The following OSBPL10 variants were observed in gnomAD, a reference collection of about 807,000 sequenced individuals.
OSBPL10 encodes oxysterol-binding protein-related protein 10.
In OSBPL10, 49 loss-of-function variants were observed where a neutral mutation model predicts 81.7. The ratio of observed to expected loss-of-function variants is 0.60; its 90% CI spans 0.48 to 0.76. OSBPL10 has a LOEUF of 0.76. Among genes scored for constraint, OSBPL10 ranks in the 30% least tolerant of loss-of-function variants. The pLI is 0.00. For synonymous variants in OSBPL10, 419 were observed against 383.6 expected (o/e 1.09, Z -1.08); for missense variants, 923 against 987.8 (o/e 0.93, Z 0.88).
chr3:31,874,771 C>A (rs550892591), intron 3 of OSBPL10, among the ~76,000 whole-genome samples: 2 of 152,046 alleles, frequency 1.3e-5, no homozygotes, highest in Non-Finnish European at 2.9e-5. Context: ...ATAACGGCAA[C>A]CGTTGTAGAA....
At chr3:31,729,575 C>T (rs1696903522) in intron 6 of OSBPL10, among the ~76,000 whole-genome samples, 1 of 152,146 alleles carries the variant, frequency 6.6e-6, no homozygotes, top group African/African-American at 2.4e-5. Flanking sequence ...CGCACGCCAC[C>T]ACGCCCAGCT....
chr3:31,849,280 C>T (rs1039921409), intron 3 of OSBPL10, among the ~76,000 whole-genome samples: 1 of 150,876 alleles, frequency 6.6e-6, no homozygotes, highest in African/African-American at 2.4e-5. Context: ...AGTTTTAAGG[C>T]ATTAAGTTTT....
intron 10 of OSBPL10, 128 bp downstream of exon 10, chr3:31,668,514 A>G: frequency 2.5e-6 from 2 of 814,762 alleles, no homozygotes; most frequent in South Asian, 3.1e-5. Context: ...ATATCTAAAG[A>G]AGCCAGTAGA....
At chr3:31,763,357 C>T (rs371952213) in intron 4 of OSBPL10, among the ~76,000 whole-genome samples, 13 of 152,166 alleles carry the variant, frequency 8.5e-5, no homozygotes, top group African/African-American at 2.9e-4. Context: ...TCTGGCAGAA[C>T]GTAACCTTAC....
intron 4 of OSBPL10, chr3:31,795,995 G>T: frequency 4.8e-6 from 1 of 208,460 alleles, no homozygotes. Flanking sequence ...GTTCATACAA[G>T]AATTCACACT....
rs386396290 is a variant in OSBPL10, at chr3:31,905,345, A to ATTTT, written c.282-25519_282-25516dup. Among the ~76,000 whole-genome samples the ATTTT allele has an allele frequency of 5.3e-3, 506 of 94,802 alleles. 37 individuals carry two copies. The highest frequency in any genetic ancestry group is 0.013 in the African/African-American group (268 of 21,284). 62.2% of individuals were successfully genotyped at this position (94,802 alleles called of 152,430 possible). On this transcript the variant is annotated intron_variant, in intron 1 of 11. Coordinates refer to ENST00000396556, the MANE Select transcript of OSBPL10 (RefSeq NM_017784.5). ...GAGCTCTATGTCAAGGAACCTGGTG[A>ATTTT]TTTTTTTTTTTTTTTTTTTTTTTAG... is the stretch of plus-strand genomic sequence containing the variant.
At chr3:32,017,887 G>T (rs964124806) in intron 2 of OSBPL10, among the ~76,000 whole-genome samples, 2 of 152,186 alleles carry the variant, frequency 1.3e-5, no homozygotes, top group Non-Finnish European at 2.9e-5. Flanking sequence ...AGTGGCTCAT[G>T]CCTGTAATCC....
At chr3:32,043,698 A>T (rs1699595997) in intron 2 of OSBPL10, among the ~76,000 whole-genome samples, 1 of 152,218 alleles carries the variant, frequency 6.6e-6, no homozygotes, top group African/African-American at 2.4e-5. Flanking sequence ...TACACATAGT[A>T]GGAACTCAAA....
chr3:31,869,753 T>C (rs1298348824), intron 3 of OSBPL10, among the ~76,000 whole-genome samples: 2 of 152,230 alleles, frequency 1.3e-5, no homozygotes, highest in East Asian at 3.9e-4. Flanking sequence ...CAGCCTGTCA[T>C]TTAGGTTCAG....
intron 1 of OSBPL10, among the ~76,000 whole-genome samples, chr3:31,937,072 C>G (rs543110885): frequency 6.6e-6 from 1 of 152,228 alleles, no homozygotes; most frequent in South Asian, 2.1e-4. Context: ...ATCACAAGGT[C>G]AAGAGATCAA....
At chr3:31,951,473 G>T (rs540866841) in intron 1 of OSBPL10, among the ~76,000 whole-genome samples, 3 of 151,962 alleles carry the variant, frequency 2.0e-5, no homozygotes, top group Admixed American at 6.6e-5. Context: ...GGGGAGGAAA[G>T]GATTGAGTTG....
At chr3:31,949,671 A>C (rs1697812964) in intron 1 of OSBPL10, among the ~76,000 whole-genome samples, 17 of 62,578 alleles carry the variant, frequency 2.7e-4, no homozygotes, top group Admixed American at 2.2e-3. Flanking sequence ...CTGTCTCAAA[A>C]AAAAAAAAAA....
chr3:31,707,046 A>G (rs1417686070), intron 6 of OSBPL10: 1 of 152,186 alleles, frequency 6.6e-6, no homozygotes, highest in Non-Finnish European at 1.5e-5. Context: ...TGATCTACTA[A>G]CATCTCCTTT....
intron 4 of OSBPL10, among the ~76,000 whole-genome samples, chr3:31,792,029 T>C (rs1295533667): frequency 6.6e-6 from 1 of 152,048 alleles, no homozygotes; most frequent in Non-Finnish European, 1.5e-5. Flanking sequence ...GAGGATCACT[T>C]GAGCCCAGGA....
At chr3:31,769,211 G>A (rs960588836) in intron 4 of OSBPL10, among the ~76,000 whole-genome samples, 3 of 151,996 alleles carry the variant, frequency 2.0e-5, no homozygotes, top group Non-Finnish European at 4.4e-5. Context: ...GGGAGGCCGA[G>A]GCGGGCAGAT....
At chr3:31,800,616 C>T (rs1699355033) in intron 4 of OSBPL10, among the ~76,000 whole-genome samples, 1 of 152,206 alleles carries the variant, frequency 6.6e-6, no homozygotes, top group Admixed American at 6.5e-5. Context: ...AATGCTTATA[C>T]GAATAAACAA....
rs185894266 is a variant in OSBPL10, at chr3:31,720,811, A to C, written c.1095+12446T>G. On this transcript the variant is annotated intron_variant, in intron 6 of 11. Transcript: ENST00000396556. ...GCTATTGGGGAGGCTGAGGCATGAT[A>C]ATCACTTGAACCTGGAGCCAAGATC... Among the ~76,000 whole-genome samples the C allele has an allele frequency of 2.9e-3, 427 of 148,732 alleles. 3 individuals are homozygous for C. The highest frequency in any genetic ancestry group is 0.01 in the African/African-American group (409 of 39,934).
chr3:31,876,778 T>C (rs1254440708), intron 2 of OSBPL10, among the ~76,000 whole-genome samples: 2 of 152,200 alleles, frequency 1.3e-5, no homozygotes, highest in Non-Finnish European at 2.9e-5. Context: ...ATTTTGCCAT[T>C]TTTTAGCCTC....
At chr3:32,006,910 A>C (rs1451678997) in intron 2 of OSBPL10, among the ~76,000 whole-genome samples, 1 of 152,082 alleles carries the variant, frequency 6.6e-6, no homozygotes, top group Non-Finnish European at 1.5e-5. Context: ...CCTCTTCTAT[A>C]GACATTTTAT....
Sources: gnomAD v4.1 joint callset for allele counts (sites outside exome capture counted in the v4.1 genomes callset) on GRCh38, gnomAD v4.1.1 for gene constraint, MANE v1.5 for transcripts, NCBI Gene and HGNC (gene_info 2026-07-23, HGNC 2026-07-21) for gene names.